The following MFAP1 variants were observed in gnomAD, a reference collection of about 807,000 sequenced individuals.
MFAP1 encodes microfibril associated protein 1, also known as microfibrillar-associated protein 1.
Under a neutral mutation model 62.2 loss-of-function variants are expected in MFAP1, and 18 were observed. That is an observed-to-expected ratio of 0.29 (90% confidence interval 0.20 to 0.43). The LOEUF (loss-of-function observed/expected upper bound fraction) is 0.43. Among genes scored for constraint, MFAP1 ranks in the 20% least tolerant of loss-of-function variants. The probability of loss-of-function intolerance (pLI) is 1.00; values close to 1 mark genes in which losing one functional copy is unlikely to be tolerated. For synonymous variants in MFAP1, 175 were observed against 180.4 expected (o/e 0.97, Z 0.24); for missense variants, 355 against 559.7 (o/e 0.63, Z 3.69).
chr15:43,813,116 TC>T lies in MFAP1; in HGVS notation c.757del (p.Glu253LysfsTer32). 1 of 1,614,182 alleles carries T rather than the reference TC, an allele frequency of 6.2e-7. No homozygotes were observed. The highest frequency in any genetic ancestry group is 8.5e-7 in the Non-Finnish European group (1 of 1,180,036). ...TGCAGCCAGGGATCGCTTGTTCTCT[TC>T]CAGCTCTTTTTTGGTTTCCTCTTCG... ...IVEEETKKEL[E>X]ENKRSLAALD... is the part of the protein sequence containing the mutation. On this transcript the variant is annotated frameshift_variant, in exon 6 of 9. Coordinates refer to ENST00000267812, the MANE Select transcript of MFAP1 (RefSeq NM_005926.3). LOFTEE classifies it high-confidence loss of function.
At chr15:43,813,390 G>A in intron 4 of MFAP1, 33 bp from the exon 5 acceptor site, 1 of 1,581,356 alleles carries the variant, frequency 6.3e-7, no homozygotes, top group Non-Finnish European at 8.6e-7. Context: ...ATTGCCCAAA[G>A]TCCTTAGAGT....
chr15:43,805,689 T>C (rs1192408395), intron 7 of MFAP1, among the ~76,000 whole-genome samples: 2 of 152,062 alleles, frequency 1.3e-5, no homozygotes, highest in African/African-American at 4.8e-5. Context: ...CTTGGCTCAC[T>C]GCAACCTCCG....
At chr15:43,808,410 G>A (rs2087379107) in intron 7 of MFAP1, among the ~76,000 whole-genome samples, 1 of 152,036 alleles carries the variant, frequency 6.6e-6, no homozygotes, top group Admixed American at 6.6e-5. Flanking sequence ...CATGTTGCCC[G>A]GGCTGAACTC....
At chr15:43,813,199 C>G in intron 5 of MFAP1, 50 bp downstream of exon 5, 1 of 1,614,116 alleles carries the variant, frequency 6.2e-7, no homozygotes, top group Non-Finnish European at 8.5e-7. Flanking sequence ...CTCAGACAAA[C>G]CTGATTACAC....
Position 43,805,289 on chromosome 15 carries a change from T to G in MFAP1, c.1138-13A>C. ...CAAAGTTCTTGACCTGAGGGAAGGA[T>G]GGATGATGAGTTATACCACCAAACA... On this transcript the variant is annotated splice_polypyrimidine_tract_variant and intron_variant, in intron 8 of 8. Coordinates refer to ENST00000267812, the MANE Select transcript of MFAP1 (RefSeq NM_005926.3). 1 of 1,595,300 alleles carries G rather than the reference T, an allele frequency of 6.3e-7. No individual in the cohort carries two copies. The highest frequency in any genetic ancestry group is 8.6e-7 in the Non-Finnish European group (1 of 1,166,670).
chr15:43,816,056 A>C (rs1038042645), intron 2 of MFAP1, among the ~76,000 whole-genome samples: 1 of 152,172 alleles, frequency 6.6e-6, no homozygotes, highest in Non-Finnish European at 1.5e-5. Context: ...GATAAAAAGT[A>C]AAAGAAAGTA....
chr15:43,820,866 C>T (rs758437115), intron 1 of MFAP1, among the ~76,000 whole-genome samples: 26 of 152,304 alleles, frequency 1.7e-4, no homozygotes, highest in Middle Eastern at 6.8e-3. Flanking sequence ...CCTAGGGCCT[C>T]CCAAAGTGCT....
intron 6 of MFAP1, among the ~76,000 whole-genome samples, chr15:43,811,398 AGAGT>A (rs2087399687): frequency 6.9e-6 from 1 of 145,746 alleles, no homozygotes; most frequent in Non-Finnish European, 1.5e-5. Context: ...CCTGGGCGAC[AGAGT>A]GAGACTGTGT....
intron 6 of MFAP1, among the ~76,000 whole-genome samples, chr15:43,810,969 C>CGGGT (rs1012162844): frequency 7.4e-5 from 11 of 148,886 alleles, no homozygotes; most frequent in African/African-American, 2.7e-4. Flanking sequence ...GTTGGACAGG[C>CGGGT]GGGTGTCAAA....
intron 6 of MFAP1, among the ~76,000 whole-genome samples, chr15:43,810,551 T>G (rs1257603583): frequency 1.3e-5 from 2 of 151,892 alleles, no homozygotes; most frequent in Non-Finnish European, 2.9e-5. Context: ...GAATTTTTAG[T>G]AGAGACGGGG....
chr15:43,813,397 G>A lies in MFAP1; in HGVS notation c.618-40C>T, dbSNP rs776227954. 5.1e-6 allele frequency: 8 copies of A among 1,569,910 alleles called. No individual in the cohort carries two copies. In the Admixed American group the frequency reaches 8.1e-5, roughly 16 times the overall value. ...TCCTGTTAATTGCCCAAAGTCCTTA[G>A]AGTGGAGTGCTTTGTTCCCCTAGAC... On this transcript the variant is annotated intron_variant, in intron 4 of 8. Coordinates refer to ENST00000267812, the MANE Select transcript of MFAP1 (RefSeq NM_005926.3).
At chr15:43,824,358 G>T in intron 1 of MFAP1, 133 bp downstream of exon 1, 1 of 840,468 alleles carries the variant, frequency 1.2e-6, no homozygotes, top group Non-Finnish European at 1.9e-6. Flanking sequence ...GGTGGGGGTG[G>T]AAAGATCGAA....
Position 43,809,879 on chromosome 15 carries a change from C to T in MFAP1, c.923G>A (p.Arg308Gln), listed in dbSNP as rs748393644. ...TCTCCTCTCTTCCTCAGTCAGGTTT[C>T]GCATGCGTTCAATTTCTGCTTTCTC... The part of the protein sequence containing the change: ...EKEKAEIERM[R>Q]NLTEEERRAE... Residue 308 changes from arginine to glutamine, a missense_variant, in exon 7 of 9, where the codon CGA (arginine) becomes CAA (glutamine). Arg to Gln is a conservative substitution (Grantham distance 43, BLOSUM62 1). This residue lies in a region of MFAP1 where 257 missense variants were observed against 341.3 expected (regional missense o/e 0.75). Coordinates refer to ENST00000267812, the MANE Select transcript of MFAP1 (RefSeq NM_005926.3). The T allele has an allele frequency of 1.2e-6, 2 of 1,614,132 alleles. No individual in the cohort carries two copies. The highest frequency in any genetic ancestry group is 8.5e-7 in the Non-Finnish European group (1 of 1,180,024).
At chr15:43,824,373 C>T (rs1321241943) in intron 1 of MFAP1, 118 bp downstream of exon 1, 3 of 979,172 alleles carry the variant, frequency 3.1e-6, no homozygotes, top group Non-Finnish European at 4.6e-6. Flanking sequence ...ATCGAAGAAT[C>T]TGGCAGCCAG....
chr15:43,818,243 T>C (rs912599510), intron 1 of MFAP1, among the ~76,000 whole-genome samples: 3 of 151,858 alleles, frequency 2.0e-5, no homozygotes, highest in Admixed American at 6.6e-5. Context: ...ATGGTCTCGA[T>C]CTCCTGACCT....
intron 1 of MFAP1, 129 bp downstream of exon 1, chr15:43,824,362 G>T: frequency 1.1e-6 from 1 of 880,074 alleles, no homozygotes; most frequent in Non-Finnish European, 1.8e-6. Flanking sequence ...GGGGTGGAAA[G>T]ATCGAAGAAT....
In MFAP1 at chr15:43,805,244, T is replaced by C. The variant is rs1366476162; in HGVS notation, c.1170A>G (p.Lys390=). 6.3e-7 allele frequency: 1 copy of C among 1,598,876 alleles called. No homozygotes were observed. Among genetic ancestry groups the C allele is most frequent in the East Asian group, 2.3e-5 (1 of 44,422 alleles). ...TATCTTGATCCACAAGGTGAGTGTA[T>C]TTGGTGCGACCTGAGCGTCCAAAGT... The part of the protein sequence containing the change: ...VKNFGRSGRT[K]YTHLVDQDTT... The change falls in exon 9 of 9, where the codon AAA becomes AAG. Residue 390 remains lysine (K), a synonymous_variant. Transcript: ENST00000267812.
Position 43,805,145 on chromosome 15 carries a change from C to A in MFAP1, c.1269G>T (p.Gly423=), listed in dbSNP as rs746903804. The change falls in exon 9 of 9, where the codon GGG becomes GGT. Residue 423 remains glycine (G), a synonymous_variant. Transcript: ENST00000267812. ...NTKFFKQKAA[G]VRDVFERPSA... is the part of the protein sequence containing the mutation. ...ATGGCCGCTCAAATACATCTCGTACCCCAGCTGCCTTTTGTTTGAAGAACT... is the reference window on the plus strand; with the variant it reads ...ATGGCCGCTCAAATACATCTCGTACACCAGCTGCCTTTTGTTTGAAGAACT... The A allele has an allele frequency of 1.9e-6, 3 of 1,600,150 alleles. No homozygotes were observed. The highest frequency in any genetic ancestry group is 1.3e-5 in the African/African-American group (1 of 74,674).
At chr15:43,813,405 T>C (rs1335913177) in intron 4 of MFAP1, 48 bp from the exon 5 acceptor site, 2 of 1,551,648 alleles carry the variant, frequency 1.3e-6, no homozygotes, top group East Asian at 2.2e-5. Flanking sequence ...TAGAGTGGAG[T>C]GCTTTGTTCC....
Sources: allele counts gnomAD v4.1 joint callset (sites outside exome capture counted in the v4.1 genomes callset), GRCh38; gene constraint gnomAD v4.1.1; regional missense constraint gnomAD v4.1.1; transcripts MANE v1.5; gene names NCBI Gene and HGNC (gene_info 2026-07-23, HGNC 2026-07-21).